HS6ST3: variants seen among roughly 807,000 people sequenced by gnomAD.
HS6ST3 encodes heparan sulfate 6-O-sulfotransferase 3, also known as heparan-sulfate 6-O-sulfotransferase 3.
A neutral mutation model predicts 36.7 loss-of-function variants in HS6ST3; 12 were observed. The ratio of observed to expected loss-of-function variants is 0.33; its 90% CI spans 0.21 to 0.53. HS6ST3 has a LOEUF of 0.53. Ranked by LOEUF, HS6ST3 falls within the 20% of genes least tolerant of loss-of-function variation. The pLI, the probability that HS6ST3 is intolerant of heterozygous loss-of-function variation, is 0.95. For missense variants in HS6ST3, 584 were observed against 640.9 expected (o/e 0.91, Z 0.96); for synonymous variants, 240 against 257.5 (o/e 0.93, Z 0.65).
At chr13:96,673,102 C>G (rs1268120674) in intron 1 of HS6ST3, among the ~76,000 whole-genome samples, 3 of 152,124 alleles carry the variant, frequency 2.0e-5, no homozygotes, top group Non-Finnish European at 4.4e-5. Flanking sequence ...GCCAGCCTTC[C>G]TACGCTGGTG....
At chr13:96,131,228 G>C (rs502311) in intron 1 of HS6ST3, among the ~76,000 whole-genome samples, 132,373 of 152,226 alleles carry the variant, frequency 0.87, 57,730 homozygotes, top group East Asian at 0.92. Context: ...TTAACTACAT[G>C]TAAGAGAAGA....
chr13:96,594,163 G>A (rs936726650), intron 1 of HS6ST3, among the ~76,000 whole-genome samples: 1 of 151,852 alleles, frequency 6.6e-6, no homozygotes, highest in Non-Finnish European at 1.5e-5. Flanking sequence ...GTAGAGACAG[G>A]GTTTCTTCAT....
In HS6ST3 at chr13:96,464,138, C is replaced by CAAAAAAAAAAAAAAAAAAAAAAAAAA. The variant is rs67305199; in HGVS notation, c.708-368329_708-368328insAAAAAAAAAAAAAAAAAAAAAAAAAA. ...TCCTCAGGAAAGGACTGTCAGGCCTCAAAAAAAAAAAAAAAAAAAAAAATC... is the reference window on the plus strand; with the variant it reads ...TCCTCAGGAAAGGACTGTCAGGCCTCAAAAAAAAAAAAAAAAAAAAAAAAAAAAAAAAAAAAAAAAAAAAAAAAATC... On this transcript the variant is annotated intron_variant, in intron 1 of 1. Coordinates refer to ENST00000376705, the MANE Select transcript of HS6ST3 (RefSeq NM_153456.4). 2.5e-3 allele frequency among the ~76,000 whole-genome samples: 97 copies of CAAAAAAAAAAAAAAAAAAAAAAAAAA among 38,786 alleles called. 21 individuals carry two copies. Among genetic ancestry groups the CAAAAAAAAAAAAAAAAAAAAAAAAAA allele is most frequent in the Non-Finnish European group, 4.2e-3 (83 of 19,900 alleles). The allele number at this position is 38,786 out of a possible 152,430, so 25.4% of individuals were successfully genotyped here.
intron 1 of HS6ST3, among the ~76,000 whole-genome samples, chr13:96,810,257 C>A (rs1160615011): frequency 6.6e-6 from 1 of 152,082 alleles, no homozygotes; most frequent in African/African-American, 2.4e-5. Flanking sequence ...CTCCATTTGT[C>A]CTGGACTTTA....
intron 1 of HS6ST3, among the ~76,000 whole-genome samples, chr13:96,185,701 A>G (rs2054261831): frequency 6.6e-6 from 1 of 152,198 alleles, no homozygotes. Flanking sequence ...TACATTCCAC[A>G]TCATGTTTTT....
At chr13:96,495,679 G>T (rs910412139) in intron 1 of HS6ST3, among the ~76,000 whole-genome samples, 2 of 152,082 alleles carry the variant, frequency 1.3e-5, no homozygotes, top group Non-Finnish European at 2.9e-5. Context: ...CTGGGGCAAG[G>T]GGAGTGTAAT....
At chr13:96,465,228 C>A (rs1257144951) in intron 1 of HS6ST3, among the ~76,000 whole-genome samples, 1 of 152,056 alleles carries the variant, frequency 6.6e-6, no homozygotes, top group Non-Finnish European at 1.5e-5. Context: ...ATTCATGAAG[C>A]CAGCAACTAA....
At chr13:96,619,005 GT>G (rs371128059) in intron 1 of HS6ST3, among the ~76,000 whole-genome samples, 5,949 of 143,742 alleles carry the variant, frequency 0.041, 185 homozygotes, top group African/African-American at 0.086. Flanking sequence ...GAGGAGTTGG[GT>G]TTTTTTTTTT....
In HS6ST3 at chr13:96,837,100, T is replaced by G. The variant is rs996819823; in HGVS notation, c.*3902T>G. ...TCTTTATTATTGATTGTCATGTGCC[T>G]TGATAAGCATAGGAGGTTCTGTTAT... On this transcript the variant is annotated 3_prime_UTR_variant, in exon 2 of 2. Transcript: ENST00000376705. The G allele has an allele frequency of 6.6e-6, 1 of 152,230 alleles. No individual in the cohort carries two copies. The allele number at this position is 152,230 out of a possible 1,614,324, so 9.4% of individuals were successfully genotyped here.
intron 1 of HS6ST3, among the ~76,000 whole-genome samples, chr13:96,207,283 T>TTATTA (rs1436958178): frequency 6.6e-6 from 1 of 152,132 alleles, no homozygotes. Context: ...AGAACAGCTA[T>TTATTA]TATTAAAAAG....
chr13:96,539,226 C>T (rs984567427), intron 1 of HS6ST3, among the ~76,000 whole-genome samples: 1 of 152,182 alleles, frequency 6.6e-6, no homozygotes, highest in Non-Finnish European at 1.5e-5. Flanking sequence ...AGTTTATGTT[C>T]TCTCCTAGCA....
intron 1 of HS6ST3, among the ~76,000 whole-genome samples, chr13:96,391,057 C>T (rs779950389): frequency 3.2e-4 from 48 of 152,106 alleles, no homozygotes; most frequent in Non-Finnish European, 5.4e-4. Flanking sequence ...CCAGCCACGC[C>T]GTACATCTCT....
At chr13:96,770,503 G>T (rs1471480134) in intron 1 of HS6ST3, among the ~76,000 whole-genome samples, 1 of 152,052 alleles carries the variant, frequency 6.6e-6, no homozygotes, top group Non-Finnish European at 1.5e-5. Context: ...ATGAATAGTG[G>T]TTTTATAAGA....
At chr13:96,092,735 C>T (rs1484704838) in intron 1 of HS6ST3, among the ~76,000 whole-genome samples, 1 of 152,208 alleles carries the variant, frequency 6.6e-6, no homozygotes, top group Non-Finnish European at 1.5e-5. Flanking sequence ...CTGGAATTCA[C>T]CACCACTGAA....
At chr13:96,430,673 C>T (rs996006978) in intron 1 of HS6ST3, among the ~76,000 whole-genome samples, 1 of 152,156 alleles carries the variant, frequency 6.6e-6, no homozygotes, top group Non-Finnish European at 1.5e-5. Context: ...TCCAAAATGG[C>T]CCAGAGTAAG....
At chr13:96,270,851 T>G (rs2054716237) in intron 1 of HS6ST3, among the ~76,000 whole-genome samples, 1 of 151,912 alleles carries the variant, frequency 6.6e-6, no homozygotes, top group Non-Finnish European at 1.5e-5. Context: ...AGGACCCAGA[T>G]CTTTCCCTCC....
chr13:96,217,706 C>A (rs1157082066), intron 1 of HS6ST3, among the ~76,000 whole-genome samples: 1 of 152,138 alleles, frequency 6.6e-6, no homozygotes, highest in African/African-American at 2.4e-5. Flanking sequence ...ACTTCAAAAT[C>A]TATACTGTTA....
At chr13:96,628,740 C>G (rs964659495) in intron 1 of HS6ST3, among the ~76,000 whole-genome samples, 1 of 151,922 alleles carries the variant, frequency 6.6e-6, no homozygotes. Flanking sequence ...TTAGAGTCTA[C>G]TCTTTTTGTG....
At chr13:96,635,073 A>G (rs2056544654) in intron 1 of HS6ST3, among the ~76,000 whole-genome samples, 3 of 152,102 alleles carry the variant, frequency 2.0e-5, no homozygotes, top group African/African-American at 2.4e-5. Context: ...ACACTGCCCT[A>G]ATAGAAGCTC....
Sources: allele counts gnomAD v4.1 joint callset (sites outside exome capture counted in the v4.1 genomes callset), GRCh38; gene constraint gnomAD v4.1.1; transcripts MANE v1.5; gene names NCBI Gene and HGNC (gene_info 2026-07-23, HGNC 2026-07-21).